The following HS3ST4 variants were observed in gnomAD, a reference collection of about 807,000 sequenced individuals.
The protein encoded by HS3ST4 is heparan sulfate glucosamine 3-O-sulfotransferase 4.
HS3ST4 carries 17 observed loss-of-function variants against 29.2 expected under a neutral mutation model. The observed-to-expected ratio is 0.58, with a 90% CI of 0.40 to 0.87. HS3ST4 has a LOEUF of 0.87. Among genes scored for constraint, HS3ST4 ranks in the 40% least tolerant of loss-of-function variants. HS3ST4 has a pLI of 0.00. For missense variants in HS3ST4, 627 were observed against 634.5 expected (o/e 0.99, Z 0.13); for synonymous variants, 314 against 285.7 (o/e 1.10, Z -1.00).
chr16:25,928,426 A>G (rs370371946), intron 1 of HS3ST4, among the ~76,000 whole-genome samples: 88 of 152,306 alleles, frequency 5.8e-4, no homozygotes, highest in Non-Finnish European at 1.0e-3. Flanking sequence ...CAGGTCACCA[A>G]GGAAAAACAA....
chr16:25,705,599 G>C (rs1966370911), intron 1 of HS3ST4, among the ~76,000 whole-genome samples: 1 of 152,102 alleles, frequency 6.6e-6, no homozygotes, highest in South Asian at 2.1e-4. Context: ...CAGAGGCGGA[G>C]GTTGCAGTGA....
intron 1 of HS3ST4, among the ~76,000 whole-genome samples, chr16:26,103,866 A>T (rs986949047): frequency 6.6e-6 from 1 of 152,356 alleles, no homozygotes; most frequent in East Asian, 1.9e-4. Flanking sequence ...TCAGAAGTAG[A>T]TAAAATATAA....
chr16:25,882,316 T>C (rs933326309), intron 1 of HS3ST4, among the ~76,000 whole-genome samples: 5 of 152,126 alleles, frequency 3.3e-5, no homozygotes, highest in Non-Finnish European at 2.9e-5. Context: ...AGGGAAGAGC[T>C]TTGGAGACTT....
At chr16:25,988,682 G>A (rs1192639270) in intron 1 of HS3ST4, among the ~76,000 whole-genome samples, 1 of 152,042 alleles carries the variant, frequency 6.6e-6, no homozygotes, top group Non-Finnish European at 1.5e-5. Flanking sequence ...GGACATAGAG[G>A]GGAACAACAC....
intron 1 of HS3ST4, among the ~76,000 whole-genome samples, chr16:25,933,949 G>A (rs962187683): frequency 5.3e-5 from 8 of 152,230 alleles, no homozygotes; most frequent in African/African-American, 9.6e-5. Flanking sequence ...ATTGGAGGTC[G>A]CATGTGAACA....
chr16:25,791,922 C>T (rs531738471), intron 1 of HS3ST4, among the ~76,000 whole-genome samples: 1 of 152,038 alleles, frequency 6.6e-6, no homozygotes, highest in South Asian at 2.1e-4. Context: ...GGAGAGCAGA[C>T]ATCTTTACTT....
chr16:25,811,080 AAACAAC>A (rs1299670805), intron 1 of HS3ST4, among the ~76,000 whole-genome samples: 1 of 152,370 alleles, frequency 6.6e-6, no homozygotes, highest in East Asian at 1.9e-4. Context: ...CTGGCTTAAA[AAACAAC>A]AAAAAATTGG....
chr16:26,122,253 CAT>C (rs1337571568), intron 1 of HS3ST4, among the ~76,000 whole-genome samples: 2 of 150,188 alleles, frequency 1.3e-5, no homozygotes, highest in Admixed American at 6.6e-5. Flanking sequence ...ACCTTTCAAA[CAT>C]GTAGATTCAG....
At chr16:26,098,918 T>A (rs1023147031) in intron 1 of HS3ST4, among the ~76,000 whole-genome samples, 9 of 151,980 alleles carry the variant, frequency 5.9e-5, no homozygotes, top group Non-Finnish European at 8.8e-5. Context: ...AACCTGCGGA[T>A]ACGGTTCAGG....
At chr16:25,920,309 A>C (rs1173636271) in intron 1 of HS3ST4, among the ~76,000 whole-genome samples, 1 of 152,166 alleles carries the variant, frequency 6.6e-6, no homozygotes, top group Non-Finnish European at 1.5e-5. Flanking sequence ...CGTTTTTCTC[A>C]AAACTAAACT....
intron 1 of HS3ST4, among the ~76,000 whole-genome samples, chr16:25,732,786 G>A (rs534040128): frequency 6.6e-6 from 1 of 152,298 alleles, no homozygotes; most frequent in East Asian, 1.9e-4. Context: ...TTCATTGTCG[G>A]TTTCTTTCTC....
chr16:26,069,136 G>T (rs550596613), intron 1 of HS3ST4, among the ~76,000 whole-genome samples: 10 of 152,226 alleles, frequency 6.6e-5, no homozygotes, highest in Admixed American at 6.5e-4. Flanking sequence ...ATTTTTTGTA[G>T]AGACAGAGTT....
chr16:26,124,819 A>T (rs935732605), intron 1 of HS3ST4, among the ~76,000 whole-genome samples: 7 of 152,242 alleles, frequency 4.6e-5, no homozygotes, highest in Admixed American at 4.6e-4. Flanking sequence ...AGTCCTCTTT[A>T]TCCTCATTTG....
rs1968565349 is a variant in HS3ST4, at chr16:25,940,856, ATCTCCCCCCAGC to A, written c.735-194751_735-194740del. On this transcript the variant is annotated intron_variant, in intron 1 of 1. Coordinates refer to ENST00000331351, the MANE Select transcript of HS3ST4 (RefSeq NM_006040.3). The stretch of plus-strand genomic sequence containing the variant: ...GTTTTCTGGCTTCCTCTCCATCTTC[ATCTCCCCCCAGC>A]TCTCTCCCTTGCTTTCTGAACTTTA... 3.3e-5 allele frequency among the ~76,000 whole-genome samples: 5 copies of A among 152,180 alleles called. No homozygotes were observed. The South Asian group carries it at 1.0e-3, about 32-fold the overall frequency.
chr16:25,737,404 T>C (rs1463824068), intron 1 of HS3ST4, among the ~76,000 whole-genome samples: 3 of 152,154 alleles, frequency 2.0e-5, no homozygotes, highest in East Asian at 3.9e-4. Flanking sequence ...TGGAATACTA[T>C]TCAGCCATAA....
intron 1 of HS3ST4, among the ~76,000 whole-genome samples, chr16:25,828,300 CCCTCT>C (rs1967253143): frequency 7.0e-4 from 40 of 56,796 alleles, no homozygotes; most frequent in Non-Finnish European, 1.0e-3. Flanking sequence ...TTCTTTCTTT[CCCTCT>C]CTCTCTCTCT....
intron 1 of HS3ST4, among the ~76,000 whole-genome samples, chr16:25,970,522 C>CT (rs949958669): frequency 2.6e-5 from 4 of 151,242 alleles, no homozygotes; most frequent in Admixed American, 6.6e-5. Context: ...TTCTCTCTCT[C>CT]TTTTTTTTTC....
chr16:25,904,341 C>T (rs1596609513), intron 1 of HS3ST4, among the ~76,000 whole-genome samples: 1 of 152,220 alleles, frequency 6.6e-6, no homozygotes, highest in South Asian at 2.1e-4. Flanking sequence ...CACTGCTCTT[C>T]AACTTCTTTG....
chr16:25,830,176 G>A (rs868235032), intron 1 of HS3ST4, among the ~76,000 whole-genome samples: 1 of 152,146 alleles, frequency 6.6e-6, no homozygotes, highest in East Asian at 1.9e-4. Context: ...TAGTTGAAGA[G>A]ATAAACTGTT....
Sources: gnomAD v4.1 joint callset for allele counts (sites outside exome capture counted in the v4.1 genomes callset) on GRCh38, gnomAD v4.1.1 for gene constraint, MANE v1.5 for transcripts, NCBI Gene and HGNC (gene_info 2026-07-23, HGNC 2026-07-21) for gene names.